AFAP1: variants seen among roughly 807,000 people sequenced by gnomAD.
AFAP1 encodes actin filament-associated protein 1.
A neutral mutation model predicts 93.9 loss-of-function variants in AFAP1; 75 were observed. The ratio of observed to expected loss-of-function variants is 0.80; its 90% CI spans 0.66 to 0.97. The LOEUF (loss-of-function observed/expected upper bound fraction) is 0.97, where lower values mean the gene tolerates loss of function less well. Ranked by LOEUF, AFAP1 falls within the 50% of genes least tolerant of loss-of-function variation. The pLI is 0.00. For synonymous variants in AFAP1, 517 were observed against 430.7 expected (o/e 1.20, Z -2.48); for missense variants, 1,201 against 1,050.8 (o/e 1.14, Z -1.98).
rs375573107 is a variant in AFAP1, at chr4:7,772,878, G to T, written c.2195C>A (p.Ala732Glu). ...GGCCAGCCCCAGGGTGACTCCGCCC[G>T]CCAGCGCTTTCTTCAGGCTCTCCTT... ...EVKESLKKAL[A>E]GGVTLGLAIE... Residue 732 changes from alanine (A) to glutamate (E), a missense_variant, in exon 16 of 18, where the codon GCG becomes GAG. Transcript: ENST00000420658. The T allele has an allele frequency of 1.2e-6, 2 of 1,614,040 alleles. No homozygotes were observed. Among genetic ancestry groups the T allele is most frequent in the Admixed American group, 1.7e-5 (1 of 59,998 alleles).
chr4:7,837,429 G>A (rs76696675), intron 6 of AFAP1, among the ~76,000 whole-genome samples: 1,736 of 152,308 alleles, frequency 0.011, 39 homozygotes, highest in African/African-American at 0.037. Flanking sequence ...TGAGGACACA[G>A]ATGGAAGATG....
At chr4:7,915,396 G>A (rs1720033776) in intron 1 of AFAP1, among the ~76,000 whole-genome samples, 2 of 151,892 alleles carry the variant, frequency 1.3e-5, no homozygotes, top group Admixed American at 6.6e-5. Context: ...ACTCCAACCT[G>A]TAAGCCCAGG....
intron 1 of AFAP1, among the ~76,000 whole-genome samples, chr4:7,878,938 TTCA>T (rs1717682319): frequency 6.6e-6 from 1 of 152,172 alleles, no homozygotes; most frequent in Non-Finnish European, 1.5e-5. Flanking sequence ...ATAGGTTACG[TTCA>T]AATAACCTAT....
chr4:7,926,055 C>T (rs1041418795), intron 1 of AFAP1, among the ~76,000 whole-genome samples: 3 of 152,164 alleles, frequency 2.0e-5, no homozygotes, highest in African/African-American at 7.2e-5. Context: ...GAGGGAGAAG[C>T]GCAAAATGTC....
chr4:7,842,407 A>C (rs1485483753), intron 5 of AFAP1, among the ~76,000 whole-genome samples: 1 of 152,016 alleles, frequency 6.6e-6, no homozygotes, highest in Non-Finnish European at 1.5e-5. Flanking sequence ...AATTTTGAGC[A>C]ATGATTCCCC....
At chr4:7,839,269 G>A (rs761005078) in intron 5 of AFAP1, among the ~76,000 whole-genome samples, 1 of 152,046 alleles carries the variant, frequency 6.6e-6, no homozygotes, top group Non-Finnish European at 1.5e-5. Context: ...CTGGGAGCCC[G>A]AGGCTGCAGT....
intron 14 of AFAP1, chr4:7,775,500 C>T (rs902894751): frequency 5.2e-5 from 8 of 152,620 alleles, no homozygotes; most frequent in African/African-American, 1.9e-4. Context: ...AAATCCTTCC[C>T]TAACACCGCA....
intron 5 of AFAP1, among the ~76,000 whole-genome samples, chr4:7,840,305 G>GGC (rs201317810): frequency 7.6e-6 from 1 of 131,180 alleles, no homozygotes; most frequent in Non-Finnish European, 1.7e-5. Context: ...TTGTTTTTGG[G>GGC]GTGTGTGTGT....
At chr4:7,786,906 T>G (rs957875668) in intron 11 of AFAP1, among the ~76,000 whole-genome samples, 3 of 152,238 alleles carry the variant, frequency 2.0e-5, no homozygotes, top group Admixed American at 2.0e-4. Flanking sequence ...AACAAATATT[T>G]ATGGAGTTCT....
intron 17 of AFAP1, among the ~76,000 whole-genome samples, chr4:7,766,416 A>G (rs1222733144): frequency 2.6e-5 from 4 of 152,162 alleles, no homozygotes; most frequent in African/African-American, 9.7e-5. Context: ...GTGGTGCCAC[A>G]TATGTTTAGC....
chr4:7,773,001 G>A lies in AFAP1; in HGVS notation c.2072C>T (p.Pro691Leu), dbSNP rs534092735. 394 of 1,609,292 alleles carry A rather than the reference G, an allele frequency of 2.4e-4. 4 individuals carry two copies. In the South Asian group the frequency reaches 3.7e-3, roughly 15 times the overall value. The stretch of plus-strand genomic sequence containing the variant: ...CAGCTTCTCCTCCAGGATCGCCTGC[G>A]GCTTCCTGCCTGGAATTCCCAGAAA... ...AAIEVNAGRKPQAILEEKLKQ... is the reference protein window; with the variant it reads ...AAIEVNAGRKLQAILEEKLKQ... The change falls in exon 16 of 18, where the codon CCG becomes CTG. Residue 691 changes from proline (P) to leucine (L), a missense_variant. Pro to Leu is a moderately conservative substitution (Grantham distance 98). Coordinates refer to ENST00000420658, the MANE Select transcript of AFAP1 (RefSeq NM_001134647.2).
intron 4 of AFAP1, among the ~76,000 whole-genome samples, chr4:7,855,048 T>A (rs1362402141): frequency 6.6e-6 from 1 of 152,236 alleles, no homozygotes; most frequent in Non-Finnish European, 1.5e-5. Context: ...GTTTGTGCTG[T>A]ACCCAATTAT....
chr4:7,843,405 C>A (rs77534478), intron 4 of AFAP1, 55 bp from the exon 5 acceptor site: 17,523 of 1,500,492 alleles, frequency 0.012, 219 homozygotes, highest in South Asian at 0.05. Context: ...TGAAGTTTAC[C>A]CGTGGGCTCA....
At chr4:7,860,826 CA>C (rs966561321) in intron 3 of AFAP1, among the ~76,000 whole-genome samples, 2 of 152,166 alleles carry the variant, frequency 1.3e-5, no homozygotes, top group African/African-American at 4.8e-5. Flanking sequence ...CCATATCACA[CA>C]GCACAAGCAG....
At chr4:7,807,940 G>A (rs1320855867) in intron 9 of AFAP1, among the ~76,000 whole-genome samples, 3 of 152,218 alleles carry the variant, frequency 2.0e-5, no homozygotes, top group East Asian at 1.9e-4. Context: ...CCGCTGGGAC[G>A]TGAGATCTGT....
At chr4:7,925,958 C>T (rs1405115991) in intron 1 of AFAP1, among the ~76,000 whole-genome samples, 1 of 152,196 alleles carries the variant, frequency 6.6e-6, no homozygotes, top group Non-Finnish European at 1.5e-5. Flanking sequence ...TCCAAGATTG[C>T]ATTAAATGGA....
chr4:7,779,861 C>T (rs991580702), intron 13 of AFAP1, among the ~76,000 whole-genome samples: 4 of 152,290 alleles, frequency 2.6e-5, no homozygotes, highest in Middle Eastern at 3.4e-3. Flanking sequence ...AAACAGGTTC[C>T]CATTAAAATG....
chr4:7,828,547 C>T (rs1015262330), intron 6 of AFAP1, among the ~76,000 whole-genome samples: 1 of 152,126 alleles, frequency 6.6e-6, no homozygotes, highest in Non-Finnish European at 1.5e-5. Context: ...ATCAGCTATC[C>T]GGCCTGTTCT....
chr4:7,818,353 C>T (rs1297816044), intron 7 of AFAP1, among the ~76,000 whole-genome samples: 1 of 152,176 alleles, frequency 6.6e-6, no homozygotes, highest in Non-Finnish European at 1.5e-5. Flanking sequence ...ACATACATCC[C>T]ATTAATTCTG....
Sources: allele counts gnomAD v4.1 joint callset (sites outside exome capture counted in the v4.1 genomes callset), GRCh38; gene constraint gnomAD v4.1.1; transcripts MANE v1.5; gene names NCBI Gene and HGNC (gene_info 2026-07-23, HGNC 2026-07-21).